Variants in MINDY3 observed in about 807,000 individuals in gnomAD.
MINDY3 encodes the protein ubiquitin carboxyl-terminal hydrolase MINDY-3.
In MINDY3, 38 loss-of-function variants were observed where a neutral mutation model predicts 69.2. The observed-to-expected ratio is 0.55, with a 90% confidence interval of 0.42 to 0.72. The LOEUF (loss-of-function observed/expected upper bound fraction) is 0.72. Among genes scored for constraint, MINDY3 ranks in the 30% least tolerant of loss-of-function variants. MINDY3 has a pLI of 0.00. For missense variants in MINDY3, 522 were observed against 519.0 expected (o/e 1.01, Z -0.06); for synonymous variants, 192 against 180.1 (o/e 1.07, Z -0.53).
At chr10:15,859,406 C>T (rs1834924543) in intron 1 of MINDY3, among the ~76,000 whole-genome samples, 1 of 152,110 alleles carries the variant, frequency 6.6e-6, no homozygotes, top group African/African-American at 2.4e-5. Context: ...CCTAAGTCAC[C>T]TTTAGGAATG....
chr10:15,782,244 C>T lies in MINDY3; in HGVS notation c.1117-18G>A, dbSNP rs1033231237. The T allele has an allele frequency of 3.1e-5, 47 of 1,492,182 alleles. No homozygotes were observed. The highest frequency in any genetic ancestry group is 3.0e-4 in the Admixed American group (16 of 52,826). The allele number at this position is 1,492,182 out of a possible 1,614,324, so 92.4% of individuals were successfully genotyped here. A position where few individuals can be genotyped will look rare whatever the true frequency, so the allele number is the denominator to read the frequency against. On this transcript the variant is annotated intron_variant, in intron 13 of 14. Transcript: ENST00000277632. ...CTGGAGCCCTATTATAAATAAAGGA[C>T]TATTAACACTTTAAATTATATTTAT...
Position 15,778,672 on chromosome 10 carries a change from C to T in MINDY3, c.*320G>A, listed in dbSNP as rs191832646. 2 of 191,796 alleles carry T rather than the reference C, an allele frequency of 1.0e-5. No individual in the cohort carries two copies. Among genetic ancestry groups the T allele is most frequent in the Non-Finnish European group, 2.1e-5 (2 of 93,704 alleles). The allele number at this position is 191,796 out of a possible 1,614,324, so 11.9% of individuals were successfully genotyped here. A position where few individuals can be genotyped will look rare whatever the true frequency, so the allele number is the denominator to read the frequency against. The stretch of plus-strand genomic sequence containing the variant: ...TAGTTTATCAATAGTAACTGTGATA[C>T]TTAATATACAAATGCTGTAGTATTG... On this transcript the variant is annotated 3_prime_UTR_variant, in exon 15 of 15. Coordinates refer to ENST00000277632, the MANE Select transcript of MINDY3 (RefSeq NM_024948.4).
At chr10:15,839,038 C>G (rs1378840204) in intron 4 of MINDY3, among the ~76,000 whole-genome samples, 1 of 151,584 alleles carries the variant, frequency 6.6e-6, no homozygotes, top group Non-Finnish European at 1.5e-5. Context: ...AGAGATGAGA[C>G]TTGAGCACAG....
At chr10:15,846,725 A>ATTTT (rs11455489) in intron 2 of MINDY3, among the ~76,000 whole-genome samples, 1 of 141,652 alleles carries the variant, frequency 7.1e-6, no homozygotes. Context: ...TTAGGAATGC[A>ATTTT]TTTTTTTTTT....
intron 8 of MINDY3, among the ~76,000 whole-genome samples, chr10:15,821,940 C>G (rs191151561): frequency 2.6e-5 from 4 of 152,080 alleles, no homozygotes; most frequent in Non-Finnish European, 5.9e-5. Context: ...AAATGTGATG[C>G]TTTAGATGTA....
intron 10 of MINDY3, among the ~76,000 whole-genome samples, 161 bp downstream of exon 10, chr10:15,816,674 G>A (rs1404251117): frequency 6.6e-6 from 1 of 152,086 alleles, no homozygotes; most frequent in Non-Finnish European, 1.5e-5. Context: ...TTTAGAGCAC[G>A]AAAACAGTAT....
chr10:15,779,046 T>C lies in MINDY3; in HGVS notation c.1284A>G (p.Lys428=), dbSNP rs1836308319. ...DTPIKRCLQT[K]WPYIELLWTT... is the part of the protein sequence containing the mutation. ...TCCAGAGTAACTCAATGTATGGCCA[T>C]TTGGTTTGCAGACAGCGTTTAATAG... The change falls in exon 15 of 15, where the codon AAA becomes AAG. Residue 428 remains lysine (K), a synonymous_variant. Transcript: ENST00000277632. The C allele has an allele frequency of 1.2e-6, 2 of 1,613,596 alleles. No individual in the cohort carries two copies. Among genetic ancestry groups the C allele is most frequent in the South Asian group, 1.1e-5 (1 of 91,064 alleles).
intron 11 of MINDY3, among the ~76,000 whole-genome samples, 184 bp from the exon 12 acceptor site, chr10:15,789,503 T>C (rs990991580): frequency 6.6e-6 from 1 of 152,110 alleles, no homozygotes; most frequent in African/African-American, 2.4e-5. Flanking sequence ...ATTTGTTTTC[T>C]TGGAAACATC....
Position 15,860,367 on chromosome 10 carries a change from T to A in MINDY3, c.-68A>T. On this transcript the variant is annotated 5_prime_UTR_variant, in exon 1 of 15. Transcript: ENST00000277632. The stretch of plus-strand genomic sequence containing the variant: ...CCCCGGAACATGGGGAAGGGGCAAC[T>A]CCGGAAACAGCAGCTGCGGGACGGC... 8.6e-7 allele frequency: 1 copy of A among 1,156,272 alleles called. No homozygotes were observed. The highest frequency in any genetic ancestry group is 2.1e-5 in the Admixed American group (1 of 48,740). The allele number at this position is 1,156,272 out of a possible 1,614,324, so 71.6% of individuals were successfully genotyped here.
At position 15,860,302 on chromosome 10, in the gene MINDY3, T is replaced by C; in HGVS notation, c.-3A>G. On this transcript the variant is annotated 5_prime_UTR_variant, in exon 1 of 15. Transcript: ENST00000277632. ...AGCTCTTTAGTCAGTTCGGACATGA[T>C]GAGGAACCGGCGGGCGGATCTTCGC... The C allele has an allele frequency of 6.3e-7, 1 of 1,598,560 alleles. No homozygotes were observed. The highest frequency in any genetic ancestry group is 8.5e-7 in the Non-Finnish European group (1 of 1,172,104).
At chr10:15,834,038 G>A (rs1023208310) in intron 7 of MINDY3, among the ~76,000 whole-genome samples, 5 of 151,792 alleles carry the variant, frequency 3.3e-5, no homozygotes, top group Middle Eastern at 3.4e-3. Flanking sequence ...TTAATATTTT[G>A]TCTTTGATGA....
chr10:15,813,978 CAAA>C (rs777561427), intron 10 of MINDY3, among the ~76,000 whole-genome samples: 1 of 66,296 alleles, frequency 1.5e-5, no homozygotes, highest in Non-Finnish European at 3.2e-5. Context: ...CACCAAAACT[CAAA>C]AAAAAAAAAA....
chr10:15,800,285 CAG>C (rs780885249), intron 10 of MINDY3, among the ~76,000 whole-genome samples: 3 of 152,064 alleles, frequency 2.0e-5, no homozygotes, highest in Non-Finnish European at 2.9e-5. Flanking sequence ...TGTATCAAAA[CAG>C]GGGCATACGG....
chr10:15,845,144 A>C (rs1833739022), intron 2 of MINDY3, among the ~76,000 whole-genome samples: 1 of 152,244 alleles, frequency 6.6e-6, no homozygotes, highest in Non-Finnish European at 1.5e-5. Context: ...CCAAGGATAC[A>C]TTTGATATAT....
chr10:15,829,588 T>A (rs1840319798), intron 8 of MINDY3, among the ~76,000 whole-genome samples: 1 of 152,164 alleles, frequency 6.6e-6, no homozygotes, highest in African/African-American at 2.4e-5. Context: ...GAAACTTTAG[T>A]TGGCAAGCAT....
chr10:15,829,195 A>C (rs1840292876), intron 8 of MINDY3, among the ~76,000 whole-genome samples: 1 of 152,182 alleles, frequency 6.6e-6, no homozygotes, highest in African/African-American at 2.4e-5. Flanking sequence ...TGTCGGGGTT[A>C]AGTGGAGAGA....
chr10:15,796,241 G>C (rs1447217180), intron 10 of MINDY3, 69 bp from the exon 11 acceptor site: 2 of 1,199,070 alleles, frequency 1.7e-6, no homozygotes, highest in Non-Finnish European at 1.2e-6. Context: ...ACAGATACTA[G>C]GGTAGGCAGA....
intron 11 of MINDY3, among the ~76,000 whole-genome samples, chr10:15,795,194 A>ATG (rs2131877754): frequency 6.6e-6 from 1 of 152,178 alleles, no homozygotes; most frequent in South Asian, 2.1e-4. Context: ...TTTAATATTC[A>ATG]TAACGCCTCT....
chr10:15,790,059 T>G (rs777650296), intron 11 of MINDY3, among the ~76,000 whole-genome samples: 1 of 152,044 alleles, frequency 6.6e-6, no homozygotes. Flanking sequence ...CTGAAGATTG[T>G]CTCAGCTTTA....
Sources: allele counts gnomAD v4.1 joint callset (sites outside exome capture counted in the v4.1 genomes callset), GRCh38; gene constraint gnomAD v4.1.1; transcripts MANE v1.5; gene names NCBI Gene and HGNC (gene_info 2026-07-23, HGNC 2026-07-21).